GALNT18: variants seen among roughly 807,000 people sequenced by gnomAD.
The protein encoded by GALNT18 is polypeptide N-acetylgalactosaminyltransferase 18, also known as GalNAc-transferase 18.
In GALNT18, 44 loss-of-function variants were observed where a neutral mutation model predicts 69.5. That is an observed-to-expected ratio of 0.63 (90% confidence interval 0.50 to 0.81). GALNT18 has a LOEUF of 0.81. Among genes scored for constraint, GALNT18 ranks in the 40% least tolerant of loss-of-function variants. The pLI, the probability that GALNT18 is intolerant of heterozygous loss-of-function variation, is 0.00. For missense variants in GALNT18, 715 were observed against 810.0 expected, an observed-to-expected ratio of 0.88 and a Z score of 1.42; for synonymous variants, 364 against 318.2, an observed-to-expected ratio of 1.14 and a Z score of -1.53.
chr11:11,353,249 G>A (rs1417721324), intron 6 of GALNT18: 42 of 1,137,226 alleles, frequency 3.7e-5, no homozygotes, highest in South Asian at 1.2e-4. Flanking sequence ...AAGCGGCAGC[G>A]GCTGTGGCCG....
rs143218204 is a variant in GALNT18 at position 11,345,028 on chromosome 11, G to A, written c.1093-4024C>T. Among the ~76,000 whole-genome samples the A allele has an allele frequency of 2.5e-3, 385 of 152,062 alleles. 2 individuals are homozygous for A. The highest frequency in any genetic ancestry group is 8.6e-3 in the African/African-American group (357 of 41,452). On this transcript the variant is annotated intron_variant, in intron 6 of 10. Transcript: ENST00000227756. ...ATTATTACGTTGCTGCTATTTGGAC[G>A]GTCCTGTACACCCACCTTTGGGGAG...
intron 8 of GALNT18, among the ~76,000 whole-genome samples, chr11:11,329,571 A>C (rs537257098): frequency 1.3e-5 from 2 of 152,322 alleles, no homozygotes; most frequent in East Asian, 3.9e-4. Context: ...GTCTGGTATG[A>C]GACCACATTC....
rs1361160652 is a variant in GALNT18, at chr11:11,620,328, C to CGT, written c.235+1030_235+1031insAC. Among the ~76,000 whole-genome samples, 1 of 110,662 alleles carries CGT rather than the reference C, an allele frequency of 9.0e-6. No individual in the cohort carries two copies. Among genetic ancestry groups the CGT allele is most frequent in the Non-Finnish European group, 1.7e-5 (1 of 57,218 alleles). The allele number at this position is 110,662 out of a possible 152,430, so 72.6% of individuals were successfully genotyped here. A position where few individuals can be genotyped will look rare whatever the true frequency, so the allele number is the denominator to read the frequency against. The stretch of plus-strand genomic sequence containing the variant: ...AAGTGTGGACGTGAGCGCGCGCGCG[C>CGT]GCGCGTGTGTGTGTGTGTGTGCACA... On this transcript the variant is annotated intron_variant, in intron 1 of 10. Coordinates refer to ENST00000227756, the MANE Select transcript of GALNT18 (RefSeq NM_198516.3). This position sits in a 1 kb window ranked among gnomAD's most constrained non-coding sequence, Gnocchi z 6.9.
At chr11:11,597,849 A>G (rs955605813) in intron 1 of GALNT18, among the ~76,000 whole-genome samples, 3 of 151,964 alleles carry the variant, frequency 2.0e-5, no homozygotes, top group African/African-American at 7.2e-5. Flanking sequence ...TTTAGTAGAA[A>G]TGGGGTTTCA....
At chr11:11,547,285 T>C (rs1292912654) in intron 1 of GALNT18, among the ~76,000 whole-genome samples, 5 of 149,856 alleles carry the variant, frequency 3.3e-5, no homozygotes, top group Admixed American at 1.3e-4. Flanking sequence ...AAGGCTGGAG[T>C]GAAGGGTGGG....
At position 11,600,400 on chromosome 11, in the gene GALNT18, G is replaced by A. The variant is rs1425810629; in HGVS notation, c.235+20959C>T. Among the ~76,000 whole-genome samples, 2 of 152,022 alleles carry A rather than the reference G, an allele frequency of 1.3e-5. No homozygotes were observed. Among genetic ancestry groups the A allele is most frequent in the Non-Finnish European group, 2.9e-5 (2 of 67,936 alleles). On this transcript the variant is annotated intron_variant, in intron 1 of 10. Transcript: ENST00000227756. The surrounding 1 kb of genome is among the most constrained non-coding windows in gnomAD (Gnocchi z 4.8). ...TTTTGTCTTCAACTATTCTTTTGAA[G>A]AATAGTTTTGCTGTGTAATGATTCT...
chr11:11,306,228 T>C (rs1045281431), intron 9 of GALNT18, among the ~76,000 whole-genome samples: 1 of 142,224 alleles, frequency 7.0e-6, no homozygotes, highest in African/African-American at 2.4e-5. Flanking sequence ...TGTGCATGTG[T>C]GTGTGTATGT....
rs1850524082 is a variant in GALNT18 at position 11,356,086 on chromosome 11, A to G, written c.1093-15082T>C. On this transcript the variant is annotated intron_variant, in intron 6 of 10. Transcript: ENST00000227756. This position sits in a 1 kb window ranked among gnomAD's most constrained non-coding sequence, Gnocchi z 4.4. ...CCAGCACCTACAGCACTAGAAAAAA[A>G]TGTGCTCACAGGTACCCTGCCCTTT... Among the ~76,000 whole-genome samples, 1 of 152,206 alleles carries G rather than the reference A, an allele frequency of 6.6e-6. No individual in the cohort carries two copies. The highest frequency in any genetic ancestry group is 1.9e-4 in the East Asian group (1 of 5,200).
At chr11:11,275,158 C>T (rs1411308053) in intron 10 of GALNT18, among the ~76,000 whole-genome samples, 2 of 152,238 alleles carry the variant, frequency 1.3e-5, no homozygotes, top group Non-Finnish European at 2.9e-5. Context: ...TACACTCCCA[C>T]CAACAGTGTA....
intron 1 of GALNT18, among the ~76,000 whole-genome samples, chr11:11,547,385 A>G (rs1210358529): frequency 6.6e-6 from 1 of 152,340 alleles, no homozygotes; most frequent in East Asian, 1.9e-4. Flanking sequence ...TGCAAACAGC[A>G]TTCAAAGCCA....
chr11:11,276,456 C>A (rs1042319968), intron 10 of GALNT18, among the ~76,000 whole-genome samples: 8 of 152,170 alleles, frequency 5.3e-5, no homozygotes, highest in Non-Finnish European at 1.0e-4. Context: ...TCTAAATATA[C>A]AATCATGTCA....
chr11:11,274,455 G>C (rs758905029), intron 10 of GALNT18, among the ~76,000 whole-genome samples: 2 of 152,186 alleles, frequency 1.3e-5, no homozygotes, highest in South Asian at 4.1e-4. Flanking sequence ...TGAAATTCTC[G>C]CTGCTAGGAC....
rs114558239 is a variant in GALNT18, at chr11:11,449,706, G to A, written c.236-770C>T. ...AGAGCAGAGGCTTTGAAGTCACACA[G>A]TCGTGGATTCCAGTCAGTGCTCCAC... On this transcript the variant is annotated intron_variant, in intron 1 of 10. Coordinates refer to ENST00000227756, the MANE Select transcript of GALNT18 (RefSeq NM_198516.3). 9.7e-3 allele frequency among the ~76,000 whole-genome samples: 1,471 copies of A among 152,330 alleles called. 28 individuals are homozygous for A. The highest frequency in any genetic ancestry group is 0.033 in the African/African-American group (1,384 of 41,570).
chr11:11,577,508 C>T (rs1858954966), intron 1 of GALNT18, among the ~76,000 whole-genome samples: 1 of 152,210 alleles, frequency 6.6e-6, no homozygotes, highest in South Asian at 2.1e-4. Flanking sequence ...AACCCCACCC[C>T]TCCAATTTCC....
At chr11:11,570,845 G>C (rs1162547089) in intron 1 of GALNT18, among the ~76,000 whole-genome samples, 1 of 152,208 alleles carries the variant, frequency 6.6e-6, no homozygotes, top group Non-Finnish European at 1.5e-5. Context: ...GGAATGAACA[G>C]GTAATTTACT....
intron 3 of GALNT18, among the ~76,000 whole-genome samples, chr11:11,417,443 C>A (rs1385499665): frequency 6.6e-6 from 1 of 152,204 alleles, no homozygotes; most frequent in Non-Finnish European, 1.5e-5. Flanking sequence ...GAAGCTTCTG[C>A]TTCTCAAAGT....
rs746409394 is a variant in GALNT18, at chr11:11,432,621, C to T, written c.595G>A (p.Glu199Lys). ...IILVDDNSSN[E>K]ELKEKLTEYV... The stretch of plus-strand genomic sequence containing the variant: ...GGCCCTGGGAAGCTCCGACACTCAC[C>T]GTTACTGCTGTTGTCATCCACCAGA... Residue 199 changes from glutamate (E) to lysine (K), a missense_variant and splice_region_variant, in exon 3 of 11, where the codon GAG becomes AAG. By Grantham distance (56) the Glu-to-Lys change is moderately conservative. Transcript: ENST00000227756. This position sits in a 1 kb window ranked among gnomAD's most constrained non-coding sequence, Gnocchi z 5.8. The T allele has an allele frequency of 3.3e-5, 53 of 1,604,820 alleles. No homozygotes were observed. Among genetic ancestry groups the T allele is most frequent in the Middle Eastern group, 1.7e-4 (1 of 6,058 alleles).
chr11:11,291,147 G>T (rs188981108), intron 10 of GALNT18, among the ~76,000 whole-genome samples: 2 of 152,224 alleles, frequency 1.3e-5, no homozygotes, highest in Non-Finnish European at 2.9e-5. Flanking sequence ...AGTGATGAAG[G>T]CTTCTGCTAG....
At chr11:11,491,593 T>C (rs910991371) in intron 1 of GALNT18, among the ~76,000 whole-genome samples, 6 of 152,268 alleles carry the variant, frequency 3.9e-5, no homozygotes, top group Non-Finnish European at 8.8e-5. Context: ...TTGGTTTTCA[T>C]ATGGCTATGC....
Sources: allele counts gnomAD v4.1 joint callset (sites outside exome capture counted in the v4.1 genomes callset), GRCh38; gene constraint gnomAD v4.1.1; non-coding constraint Gnocchi (gnomAD v3.1); transcripts MANE v1.5; gene names NCBI Gene and HGNC (gene_info 2026-07-23, HGNC 2026-07-21).